The following GALNTL6 variants were observed in gnomAD, a reference collection of about 807,000 sequenced individuals.
The protein encoded by GALNTL6 is polypeptide N-acetylgalactosaminyltransferase-like 6.
In GALNTL6, 46 loss-of-function variants were observed where a neutral mutation model predicts 73.7. The observed-to-expected ratio is 0.62, with a 90% CI of 0.49 to 0.80. The LOEUF is 0.80. Ranked by LOEUF, GALNTL6 falls within the 30% of genes least tolerant of loss-of-function variation. GALNTL6 has a pLI of 0.00. For missense variants in GALNTL6, 604 were observed against 755.0 expected (o/e 0.80, Z 2.34); for synonymous variants, 259 against 263.7 (o/e 0.98, Z 0.17).
chr4:172,361,227 A>G (rs1164743939), intron 5 of GALNTL6, among the ~76,000 whole-genome samples: 1 of 152,146 alleles, frequency 6.6e-6, no homozygotes, highest in Admixed American at 6.6e-5. Context: ...CCTATACAAT[A>G]GTAAGTATTG....
intron 8 of GALNTL6, among the ~76,000 whole-genome samples, chr4:172,906,751 G>C (rs1404825204): frequency 6.6e-6 from 1 of 152,180 alleles, no homozygotes; most frequent in African/African-American, 2.4e-5. Context: ...GCCCCCTCCA[G>C]GGCCCTCTCA....
intron 5 of GALNTL6, among the ~76,000 whole-genome samples, chr4:172,611,707 A>G (rs903978705): frequency 2.6e-5 from 4 of 152,018 alleles, no homozygotes; most frequent in African/African-American, 7.2e-5. Flanking sequence ...CTGAATTTGA[A>G]TATTAGCCTC....
At chr4:171,895,853 A>C (rs1461813275) in intron 2 of GALNTL6, among the ~76,000 whole-genome samples, 1 of 152,170 alleles carries the variant, frequency 6.6e-6, no homozygotes, top group African/African-American at 2.4e-5. Context: ...ATGAGCAAAG[A>C]AATAATAATG....
chr4:172,395,923 G>A (rs972102568), intron 5 of GALNTL6, among the ~76,000 whole-genome samples: 1 of 152,072 alleles, frequency 6.6e-6, no homozygotes, highest in Non-Finnish European at 1.5e-5. Flanking sequence ...GGAATTCACT[G>A]CTTCATTCTC....
At chr4:172,568,023 A>T (rs1017725958) in intron 5 of GALNTL6, among the ~76,000 whole-genome samples, 3 of 152,186 alleles carry the variant, frequency 2.0e-5, no homozygotes, top group African/African-American at 7.2e-5. Context: ...AGGAATTCTT[A>T]ATTCACACCC....
At chr4:172,954,993 G>T (rs1384496293) in intron 10 of GALNTL6, among the ~76,000 whole-genome samples, 1 of 152,166 alleles carries the variant, frequency 6.6e-6, no homozygotes, top group East Asian at 1.9e-4. Flanking sequence ...ATCAATAAAA[G>T]ACAAGGGTTT....
intron 5 of GALNTL6, among the ~76,000 whole-genome samples, chr4:172,550,348 G>A (rs1735910925): frequency 6.6e-6 from 1 of 152,134 alleles, no homozygotes. Flanking sequence ...ATTATAGTCA[G>A]TCTGATAGGG....
chr4:171,964,238 A>G (rs529297629), intron 2 of GALNTL6, among the ~76,000 whole-genome samples: 2 of 151,940 alleles, frequency 1.3e-5, no homozygotes, highest in African/African-American at 4.8e-5. Context: ...AAACTGTGGC[A>G]GAGTAACTTG....
intron 2 of GALNTL6, among the ~76,000 whole-genome samples, chr4:172,005,887 A>G (rs1477235598): frequency 1.3e-5 from 2 of 152,142 alleles, no homozygotes; most frequent in Non-Finnish European, 2.9e-5. Context: ...TAACTATTGA[A>G]GTGCCAGCAG....
chr4:172,447,258 C>T (rs1732056311), intron 5 of GALNTL6, among the ~76,000 whole-genome samples: 1 of 152,168 alleles, frequency 6.6e-6, no homozygotes, highest in African/African-American at 2.4e-5. Context: ...CCTGCAGTGC[C>T]TTCACTTTGG....
At chr4:173,009,348 GAC>G in intron 11 of GALNTL6, 54 bp downstream of exon 11, 1 of 1,007,060 alleles carries the variant, frequency 9.9e-7, no homozygotes. Flanking sequence ...GGCTGATGCA[GAC>G]ACAGAGGGAT....
intron 2 of GALNTL6, among the ~76,000 whole-genome samples, chr4:171,967,452 T>TTGTTTG (rs1283150878): frequency 8.2e-6 from 1 of 122,558 alleles, no homozygotes; most frequent in African/African-American, 5.3e-5. Flanking sequence ...TATGGGTTTT[T>TTGTTTG]TTTTTTTTTT....
At chr4:172,833,810 C>A (rs1366768520) in intron 7 of GALNTL6, among the ~76,000 whole-genome samples, 1 of 152,154 alleles carries the variant, frequency 6.6e-6, no homozygotes, top group Non-Finnish European at 1.5e-5. Flanking sequence ...ATGCTAAATA[C>A]TCAAGACAGA....
At position 172,353,069 on chromosome 4, in the gene GALNTL6, G is replaced by A. The variant is rs143604810; in HGVS notation, c.553+4380G>A. ...CTCTCAGTCCTCACCAGATGAATCA[G>A]AATCTGCATTTCAACAGGATCTATG... On this transcript the variant is annotated intron_variant, in intron 5 of 12. Coordinates refer to ENST00000506823, the MANE Select transcript of GALNTL6 (RefSeq NM_001034845.3). 2.0e-3 allele frequency among the ~76,000 whole-genome samples: 309 copies of A among 152,210 alleles called. 5 individuals are homozygous for A. The highest frequency in any genetic ancestry group is 6.8e-3 in the Middle Eastern group (2 of 294).
intron 5 of GALNTL6, among the ~76,000 whole-genome samples, chr4:172,439,971 T>C (rs1731769958): frequency 6.6e-6 from 1 of 152,080 alleles, no homozygotes; most frequent in African/African-American, 2.4e-5. Context: ...CTCTTGGTGT[T>C]GTATGTTCTA....
intron 3 of GALNTL6, among the ~76,000 whole-genome samples, chr4:172,261,717 T>A (rs572469619): frequency 1.3e-5 from 2 of 151,392 alleles, no homozygotes; most frequent in Non-Finnish European, 3.0e-5. Context: ...CTTTCAGACT[T>A]TTTGATGTAG....
chr4:173,019,361 C>T (rs952886552), intron 11 of GALNTL6, among the ~76,000 whole-genome samples: 3 of 152,096 alleles, frequency 2.0e-5, no homozygotes, highest in African/African-American at 7.2e-5. Context: ...AAAGACCAAC[C>T]AGGGGAGGTG....
At chr4:171,952,208 C>A (rs1738905622) in intron 2 of GALNTL6, among the ~76,000 whole-genome samples, 1 of 151,694 alleles carries the variant, frequency 6.6e-6, no homozygotes, top group African/African-American at 2.4e-5. Context: ...GGCAATTGAC[C>A]AGGCTTTGTT....
intron 5 of GALNTL6, among the ~76,000 whole-genome samples, chr4:172,596,004 CAT>C (rs1429908034): frequency 3.3e-5 from 5 of 151,970 alleles, no homozygotes; most frequent in African/African-American, 1.2e-4. Context: ...TATATAAAAA[CAT>C]ATAAATATAT....
Sources: allele counts gnomAD v4.1 joint callset (sites outside exome capture counted in the v4.1 genomes callset), GRCh38; gene constraint gnomAD v4.1.1; transcripts MANE v1.5; gene names NCBI Gene and HGNC (gene_info 2026-07-23, HGNC 2026-07-21).